MICA: variants seen among roughly 807,000 people sequenced by gnomAD.
The protein encoded by MICA is HLA class I antigen.
MICA carries 18 observed loss-of-function variants against 34.3 expected under a neutral mutation model. The ratio of observed to expected loss-of-function variants is 0.52; its 90% CI spans 0.36 to 0.78. The LOEUF is 0.78. MICA is among the 30% of genes least tolerant of loss of function. The probability of loss-of-function intolerance (pLI) is 0.00; values close to 1 mark genes in which losing one functional copy is unlikely to be tolerated. For missense variants in MICA, 333 were observed against 409.4 expected, an observed-to-expected ratio of 0.81 and a Z score of 1.61; for synonymous variants, 135 against 156.9, an observed-to-expected ratio of 0.86 and a Z score of 1.04.
chr6:31,410,754 G>A lies in MICA; in HGVS notation c.282G>A (p.Lys94=), dbSNP rs17206582. 2 of 1,588,880 alleles carry A rather than the reference G, an allele frequency of 1.3e-6. No homozygotes were observed. The highest frequency in any genetic ancestry group is 1.7e-6 in the Non-Finnish European group (2 of 1,167,766). ...RETRDLTGNG[K]DLRMTLAHIK... The stretch of plus-strand genomic sequence containing the variant: ...CCAGGGACTTGACAGGGAACGGAAA[G>A]GACCTCAGGATGACCCTGGCTCATA... The change falls in exon 2 of 6, where the codon AAG becomes AAA. Residue 94 remains lysine (K), a synonymous_variant. Transcript: ENST00000449934.
chr6:31,405,452 G>A (rs958021905), intron 1 of MICA, among the ~76,000 whole-genome samples: 1 of 151,220 alleles, frequency 6.6e-6, no homozygotes, highest in African/African-American at 2.4e-5. Context: ...AGATATATAT[G>A]TATATATTTA....
chr6:31,407,913 C>T (rs1005916179), intron 1 of MICA, among the ~76,000 whole-genome samples: 2 of 151,748 alleles, frequency 1.3e-5, no homozygotes, highest in Non-Finnish European at 2.9e-5. Context: ...ATTAGTCATC[C>T]TTGTCTTATT....
At chr6:31,409,977 G>A (rs41284511) in intron 1 of MICA, among the ~76,000 whole-genome samples, 29,366 of 139,034 alleles carry the variant, frequency 0.21, 3,814 homozygotes, top group African/African-American at 0.34. Flanking sequence ...CACACCGTTC[G>A]TTGCTCCCCT....
chr6:31,415,137 T>C lies in MICA; in HGVS notation c.*155T>C, dbSNP rs753151488. 2 of 1,039,832 alleles carry C rather than the reference T, an allele frequency of 1.9e-6. No homozygotes were observed. The highest frequency in any genetic ancestry group is 2.6e-5 in the South Asian group (2 of 77,526). 64.4% of individuals were successfully genotyped at this position (1,039,832 alleles called of 1,614,324 possible). ...GTCCACTGGCTCCACTGAGGGCACC[T>C]AGACTCTACAGCCAGGCGGCTGGAA... On this transcript the variant is annotated 3_prime_UTR_variant, in exon 6 of 6. Coordinates refer to ENST00000449934, the MANE Select transcript of MICA (RefSeq NM_001177519.3).
At chr6:31,410,086 A>G (rs1771010166) in intron 1 of MICA, among the ~76,000 whole-genome samples, 1 of 151,246 alleles carries the variant, frequency 6.6e-6, no homozygotes, top group South Asian at 2.1e-4. Flanking sequence ...CATGCCCATG[A>G]TGAGTCTCTT....
In MICA at chr6:31,403,619, G is replaced by A. The variant is rs1259437449; in HGVS notation, c.-14G>A. 6.7e-7 allele frequency: 1 copy of A among 1,502,234 alleles called. No homozygotes were observed. The highest frequency in any genetic ancestry group is 8.9e-7 in the Non-Finnish European group (1 of 1,128,078). 93.1% of individuals were successfully genotyped at this position (1,502,234 alleles called of 1,614,324 possible). A position where few individuals can be genotyped will look rare whatever the true frequency, so the allele number is the denominator to read the frequency against. ...CACTGCTTGAGCCGCTGAGAGGGTG[G>A]CGACGTCGGGGCCATGGGGCTGGGC... On this transcript the variant is annotated 5_prime_UTR_variant, in exon 1 of 6. Transcript: ENST00000449934. The surrounding 1 kb of genome is among the most constrained non-coding windows in gnomAD (Gnocchi z 4.7).
intron 5 of MICA, among the ~76,000 whole-genome samples, chr6:31,414,402 G>A (rs923049111): frequency 6.6e-6 from 1 of 152,090 alleles, no homozygotes; most frequent in African/African-American, 2.4e-5. Context: ...GTGAGGGTCA[G>A]GAGAGGCCAG....
At chr6:31,409,364 T>C (rs1458297616) in intron 1 of MICA, among the ~76,000 whole-genome samples, 1 of 147,238 alleles carries the variant, frequency 6.8e-6, no homozygotes. Flanking sequence ...TCCTGATTGG[T>C]TTCAGGTGGC....
At chr6:31,404,273 C>G (rs1770627062) in intron 1 of MICA, among the ~76,000 whole-genome samples, 1 of 151,608 alleles carries the variant, frequency 6.6e-6, no homozygotes, top group Non-Finnish European at 1.5e-5. Flanking sequence ...AGTCTGCAGG[C>G]TCCGGGCAGA....
chr6:31,406,795 A>G (rs999136672), intron 1 of MICA, among the ~76,000 whole-genome samples: 6 of 151,788 alleles, frequency 4.0e-5, no homozygotes, highest in African/African-American at 1.5e-4. Context: ...CCCCAGCACC[A>G]TTTTTGAAGA....
intron 1 of MICA, among the ~76,000 whole-genome samples, chr6:31,406,731 A>G (rs1206175551): frequency 2.6e-5 from 4 of 151,858 alleles, no homozygotes; most frequent in Non-Finnish European, 4.4e-5. Context: ...TGATTTTTGT[A>G]TATGGTGAAA....
rs17206553 is a variant in MICA, at chr6:31,410,723, G to A, written c.251G>A (p.Arg84Lys). The A allele has an allele frequency of 1.2e-6, 2 of 1,608,746 alleles. 1 individual carries two copies. Among genetic ancestry groups the A allele is most frequent in the Admixed American group, 3.4e-5 (2 of 58,114 alleles). ...EDVLGNKTWDRETRDLTGNGK... is the reference protein window; with the variant it reads ...EDVLGNKTWDKETRDLTGNGK... ...GTCCTGGGAAATAAGACATGGGACA[G>A]AGAGACCAGGGACTTGACAGGGAAC... The change falls in exon 2 of 6, where the codon AGA (arginine) becomes AAA (lysine). Residue 84 changes from arginine to lysine, a missense_variant. Physicochemically the swap from Arg to Lys is conservative, Grantham distance 26 (BLOSUM62 2). Transcript: ENST00000449934.
intron 1 of MICA, among the ~76,000 whole-genome samples, chr6:31,409,471 T>C (rs927026738): frequency 2.6e-5 from 4 of 151,956 alleles, no homozygotes; most frequent in Non-Finnish European, 4.4e-5. Flanking sequence ...CTTTGAAGAA[T>C]TGGCCATTTA....
At chr6:31,409,309 C>CTGTGTGTGTGTGTGTGTG (rs35508435) in intron 1 of MICA, among the ~76,000 whole-genome samples, 6,011 of 149,598 alleles carry the variant, frequency 0.04, 200 homozygotes, top group East Asian at 0.065. Context: ...CAACCTTGCT[C>CTGTGTGTGTGTGTGTGTG]TGTGTGTGTG....
rs1771260228 is a variant in MICA at position 31,412,565 on chromosome 6, T to A, written c.*29+105T>A. ...AGGCATGTTGGTGACAAGGCTTCCA[T>A]AACAGGGGATGAAAGTTGGGGAATT... is the stretch of plus-strand genomic sequence containing the variant. On this transcript the variant is annotated intron_variant, in intron 5 of 5. Transcript: ENST00000449934. 4 of 717,118 alleles carry A rather than the reference T, an allele frequency of 5.6e-6. 1 individual carries two copies. The South Asian group carries it at 7.6e-5, about 14-fold the overall frequency. 44.4% of individuals were successfully genotyped at this position (717,118 alleles called of 1,614,324 possible).
In MICA at chr6:31,403,779, G is replaced by T. The variant is rs1164180731; in HGVS notation, c.70+77G>T. 2 of 1,392,016 alleles carry T rather than the reference G, an allele frequency of 1.4e-6. No homozygotes were observed. Among genetic ancestry groups the T allele is most frequent in the African/African-American group, 3.0e-5 (2 of 66,472 alleles). The allele number at this position is 1,392,016 out of a possible 1,614,324, so 86.2% of individuals were successfully genotyped here. A position where few individuals can be genotyped will look rare whatever the true frequency, so the allele number is the denominator to read the frequency against. ...CCGGGGGTCGGGTGGGTAGCGGCGAGCGCTGTGCGGTCAGGGCGGGGCTCC... is the reference window on the plus strand; with the variant it reads ...CCGGGGGTCGGGTGGGTAGCGGCGATCGCTGTGCGGTCAGGGCGGGGCTCC... On this transcript the variant is annotated intron_variant, in intron 1 of 5. Transcript: ENST00000449934. This position sits in a 1 kb window ranked among gnomAD's most constrained non-coding sequence, Gnocchi z 4.7.
intron 2 of MICA, 119 bp downstream of exon 2, chr6:31,410,916 G>T: frequency 1.4e-6 from 2 of 1,471,034 alleles, no homozygotes; most frequent in South Asian, 2.8e-5. Flanking sequence ...GAGGAATGGG[G>T]GTCAGTGGAA....
chr6:31,408,100 T>C (rs1334971450), intron 1 of MICA, among the ~76,000 whole-genome samples: 1 of 151,964 alleles, frequency 6.6e-6, no homozygotes, highest in Non-Finnish European at 1.5e-5. Context: ...ATCAATTGAA[T>C]GATACTGGCT....
intron 2 of MICA, 23 bp downstream of exon 2, chr6:31,410,820 G>A: frequency 6.5e-7 from 1 of 1,547,780 alleles, no homozygotes; most frequent in Non-Finnish European, 8.7e-7. Context: ...AGGGGCAAGA[G>A]TGACTGGAGA....
Sources: allele counts gnomAD v4.1 joint callset (sites outside exome capture counted in the v4.1 genomes callset), GRCh38; gene constraint gnomAD v4.1.1; non-coding constraint Gnocchi (gnomAD v3.1); transcripts MANE v1.5; gene names NCBI Gene and HGNC (gene_info 2026-07-23, HGNC 2026-07-21).